SCFD2: variants seen among roughly 807,000 people sequenced by gnomAD.
SCFD2 encodes the protein sec1 family domain containing 2.
Under a neutral mutation model 58.9 loss-of-function variants are expected in SCFD2, and 54 were observed. That is an observed-to-expected ratio of 0.92 (90% CI 0.74 to 1.15). SCFD2 has a LOEUF of 1.15. Among genes scored for constraint, SCFD2 ranks in the 50% most tolerant of loss-of-function variants. The pLI, the probability that SCFD2 is intolerant of heterozygous loss-of-function variation, is 0.00. For missense variants in SCFD2, 805 were observed against 836.6 expected (o/e 0.96, Z 0.47); for synonymous variants, 321 against 335.9 (o/e 0.96, Z 0.49).
chr4:53,222,501 T>C (rs1369296698), intron 4 of SCFD2, among the ~76,000 whole-genome samples: 1 of 152,228 alleles, frequency 6.6e-6, no homozygotes, highest in African/African-American at 2.4e-5. Context: ...ATCCTGAACT[T>C]ACTTTTTATT....
At position 53,117,201 on chromosome 4, in the gene SCFD2, G is replaced by A. The variant is rs367668254; in HGVS notation, c.1561+28132C>T. The stretch of plus-strand genomic sequence containing the variant: ...CACCCCAGGAGAGCTGAACACAGGA[G>A]TAGCACAAGAGGGGCCACATTTTAA... On this transcript the variant is annotated intron_variant, in intron 5 of 8. Coordinates refer to ENST00000401642, the MANE Select transcript of SCFD2 (RefSeq NM_152540.4). Among the ~76,000 whole-genome samples the A allele has an allele frequency of 2.0e-5, 3 of 152,280 alleles. No homozygotes were observed. In the East Asian group the frequency reaches 5.8e-4, roughly 29 times the overall value.
intron 7 of SCFD2, among the ~76,000 whole-genome samples, chr4:52,897,839 T>A (rs889920705): frequency 1.2e-4 from 19 of 152,234 alleles, no homozygotes; most frequent in African/African-American, 4.3e-4. Flanking sequence ...CACAGCCTGT[T>A]ATTGGTCTAT....
At chr4:53,343,004 C>A (rs1420420572) in intron 2 of SCFD2, among the ~76,000 whole-genome samples, 1 of 152,076 alleles carries the variant, frequency 6.6e-6, no homozygotes, top group Non-Finnish European at 1.5e-5. Context: ...CAAGAGAAAG[C>A]AGGAAAGATC....
intron 7 of SCFD2, among the ~76,000 whole-genome samples, chr4:52,897,329 C>T (rs1719049205): frequency 6.6e-6 from 1 of 152,122 alleles, no homozygotes; most frequent in African/African-American, 2.4e-5. Context: ...GAGAAACGTC[C>T]CATCAATACC....
chr4:53,125,637 G>A (rs1448673024), intron 5 of SCFD2, among the ~76,000 whole-genome samples: 1 of 152,214 alleles, frequency 6.6e-6, no homozygotes, highest in Non-Finnish European at 1.5e-5. Flanking sequence ...CAGGGCCCAG[G>A]TTATATACAT....
rs142748594 is a variant in SCFD2, at chr4:52,960,629, A to G, written c.1562-39759T>C. On this transcript the variant is annotated intron_variant, in intron 5 of 8. Coordinates refer to ENST00000401642, the MANE Select transcript of SCFD2 (RefSeq NM_152540.4). The stretch of plus-strand genomic sequence containing the variant: ...GGTGATCCGCCTGTCTCAGCCTCCC[A>G]AAGTGTTGGGATTACAGGCGTGAGC... Among the ~76,000 whole-genome samples, 1,325 of 152,010 alleles carry G rather than the reference A, an allele frequency of 8.7e-3. 28 individuals carry two copies. The highest frequency in any genetic ancestry group is 0.03 in the African/African-American group (1,263 of 41,450).
intron 5 of SCFD2, among the ~76,000 whole-genome samples, chr4:53,003,419 G>A (rs1328268782): frequency 1.3e-5 from 2 of 152,184 alleles, no homozygotes; most frequent in African/African-American, 2.4e-5. Flanking sequence ...CACATTTCAA[G>A]TGCTCAATAG....
At chr4:53,053,173 C>A (rs1449701995) in intron 5 of SCFD2, among the ~76,000 whole-genome samples, 2 of 146,866 alleles carry the variant, frequency 1.4e-5, no homozygotes, top group Non-Finnish European at 3.0e-5. Context: ...TGCAGTGAGC[C>A]AAGATCATGC....
At chr4:53,158,865 CT>C (rs2148925121) in intron 4 of SCFD2, among the ~76,000 whole-genome samples, 2 of 152,330 alleles carry the variant, frequency 1.3e-5, no homozygotes, top group African/African-American at 4.8e-5. Context: ...GCAAATCTCC[CT>C]GCCTAGACTG....
At chr4:52,893,693 G>A (rs145219158) in intron 7 of SCFD2, among the ~76,000 whole-genome samples, 1 of 152,188 alleles carries the variant, frequency 6.6e-6, no homozygotes, top group Non-Finnish European at 1.5e-5. Flanking sequence ...GCCCTTCCCT[G>A]GGAATTCAGG....
intron 5 of SCFD2, among the ~76,000 whole-genome samples, chr4:53,095,887 A>T (rs1445206661): frequency 6.6e-6 from 1 of 151,694 alleles, no homozygotes; most frequent in Non-Finnish European, 1.5e-5. Context: ...ACCCCACAAC[A>T]GGCCCCGGTG....
intron 5 of SCFD2, among the ~76,000 whole-genome samples, chr4:53,082,148 A>G (rs1338750415): frequency 6.6e-6 from 1 of 152,188 alleles, no homozygotes; most frequent in African/African-American, 2.4e-5. Flanking sequence ...TAATATTGCT[A>G]TTAACATTCA....
intron 5 of SCFD2, among the ~76,000 whole-genome samples, chr4:53,040,094 CATAGCACAAATGCA>C (rs1394059172): frequency 1.3e-5 from 2 of 152,178 alleles, no homozygotes; most frequent in Non-Finnish European, 2.9e-5. Flanking sequence ...AGTACTATGG[CATAGCACAAATGCA>C]GTGGGTGAGT....
At chr4:52,875,074 G>T (rs1238129944) in intron 8 of SCFD2, among the ~76,000 whole-genome samples, 2 of 152,120 alleles carry the variant, frequency 1.3e-5, no homozygotes, top group East Asian at 3.9e-4. Flanking sequence ...GTACAGAAAG[G>T]CTCAGCAACT....
chr4:52,875,790 G>T (rs1389081900), intron 8 of SCFD2, among the ~76,000 whole-genome samples: 1 of 100,280 alleles, frequency 1.0e-5, no homozygotes, highest in African/African-American at 3.6e-5. Flanking sequence ...CTTGAAAGAG[G>T]ATTATCTTTA....
chr4:53,133,191 G>C (rs1290865763), intron 5 of SCFD2, among the ~76,000 whole-genome samples: 1 of 152,034 alleles, frequency 6.6e-6, no homozygotes, highest in African/African-American at 2.4e-5. Flanking sequence ...AGCCGGGCGT[G>C]GTGGCGGGTG....
chr4:53,342,367 T>C (rs1333647761), intron 2 of SCFD2, among the ~76,000 whole-genome samples: 1 of 152,214 alleles, frequency 6.6e-6, no homozygotes, highest in Middle Eastern at 3.4e-3. Context: ...AAGAAGGCCA[T>C]TACATAATGA....
intron 4 of SCFD2, among the ~76,000 whole-genome samples, chr4:53,250,051 A>G (rs1367364914): frequency 2.0e-5 from 3 of 152,144 alleles, no homozygotes; most frequent in Non-Finnish European, 4.4e-5. Context: ...GTATTCAGGA[A>G]ACCCATCTCA....
At chr4:53,175,608 G>A (rs1285569584) in intron 4 of SCFD2, among the ~76,000 whole-genome samples, 1 of 152,058 alleles carries the variant, frequency 6.6e-6, no homozygotes, top group Non-Finnish European at 1.5e-5. Context: ...TCTTTTCTCA[G>A]GAAAGATTTA....
Sources: allele counts gnomAD v4.1 joint callset (sites outside exome capture counted in the v4.1 genomes callset), GRCh38; gene constraint gnomAD v4.1.1; transcripts MANE v1.5; gene names NCBI Gene and HGNC (gene_info 2026-07-23, HGNC 2026-07-21).